The following TRPM3 variants were observed in gnomAD, a reference collection of about 807,000 sequenced individuals.
The protein encoded by TRPM3 is transient receptor potential cation channel subfamily M member 3, also known as long transient receptor potential channel 3.
A neutral mutation model predicts 181.2 loss-of-function variants in TRPM3; 77 were observed. The observed-to-expected ratio is 0.42, with a 90% CI of 0.35 to 0.51. The LOEUF is 0.51. Ranked by LOEUF, TRPM3 falls within the 20% of genes least tolerant of loss-of-function variation. The probability of loss-of-function intolerance (pLI) is 0.01; values close to 1 mark genes in which losing one functional copy is unlikely to be tolerated. For missense variants in TRPM3, 1,759 were observed against 2,196.7 expected, an observed-to-expected ratio of 0.80 and a Z score of 3.98; for synonymous variants, 745 against 796.4, an observed-to-expected ratio of 0.94 and a Z score of 1.09.
chr9:71,034,173 C>T (rs75732296), intron 1 of TRPM3, among the ~76,000 whole-genome samples: 61 of 152,202 alleles, frequency 4.0e-4, no homozygotes, highest in African/African-American at 1.4e-3. Flanking sequence ...ACTTCGAAGC[C>T]GCAATCTCTG....
intron 1 of TRPM3, among the ~76,000 whole-genome samples, chr9:71,221,770 A>G (rs1173294307): frequency 6.6e-6 from 1 of 152,216 alleles, no homozygotes; most frequent in East Asian, 1.9e-4. Context: ...GGCAATGGCT[A>G]ATTCCAGAGC....
chr9:70,917,386 C>G lies in TRPM3; in HGVS notation c.178-52875G>C. On this transcript the variant is annotated intron_variant, in intron 1 of 25. Coordinates refer to ENST00000677713, the MANE Select transcript of TRPM3 (RefSeq NM_001366145.2). ...GTGAAAGGCCTTCAACCACTCTCTTCCAAGAGCTCAGTGGGGACACCACCT... is the reference window on the plus strand; with the variant it reads ...GTGAAAGGCCTTCAACCACTCTCTTGCAAGAGCTCAGTGGGGACACCACCT... The G allele has an allele frequency of 4.3e-6, 4 of 921,874 alleles. No homozygotes were observed. The South Asian group carries it at 5.2e-5, about 12-fold the overall frequency. 57.1% of individuals were successfully genotyped at this position (921,874 alleles called of 1,614,324 possible).
At chr9:71,296,798 G>A (rs2086300592) in intron 1 of TRPM3, among the ~76,000 whole-genome samples, 1 of 152,054 alleles carries the variant, frequency 6.6e-6, no homozygotes, top group Non-Finnish European at 1.5e-5. Flanking sequence ...GCAATAAAAA[G>A]AAAGAGCTGG....
Position 71,367,384 on chromosome 9 carries a change from G to A in TRPM3, c.183+79269C>T, listed in dbSNP as rs532634106. Among the ~76,000 whole-genome samples the A allele has an allele frequency of 4.6e-5, 7 of 152,268 alleles. No individual in the cohort carries two copies. The South Asian group carries it at 1.2e-3, about 27-fold the overall frequency. ...CTATTAATCTTCAGGAGAGCTCAAT[G>A]AGTTCTCCATTTTGTAGTTAAGGAA... is the stretch of plus-strand genomic sequence containing the variant. On this transcript the variant is annotated intron_variant, in intron 1 of 24. Transcript: ENST00000357533.
At chr9:70,937,821 T>G (rs1227889849) in intron 1 of TRPM3, among the ~76,000 whole-genome samples, 1 of 140,056 alleles carries the variant, frequency 7.1e-6, no homozygotes, top group African/African-American at 2.7e-5. Flanking sequence ...CTGGAGGTGC[T>G]GCAGAAGTCA....
In TRPM3 at chr9:71,162,221, GAAGAAA is replaced by G. The variant is rs1178618918; in HGVS notation, c.183+284426_183+284431del. Among the ~76,000 whole-genome samples, 6 of 109,466 alleles carry G rather than the reference GAAGAAA, an allele frequency of 5.5e-5. No homozygotes were observed. The East Asian group carries it at 1.4e-3, about 26-fold the overall frequency. The allele number at this position is 109,466 out of a possible 152,430, so 71.8% of individuals were successfully genotyped here. A position where few individuals can be genotyped will look rare whatever the true frequency, so the allele number is the denominator to read the frequency against. On this transcript the variant is annotated intron_variant, in intron 1 of 24. Coordinates refer to the TRPM3 transcript ENST00000357533. ...TCTCAAAAAAAAAAAAAAAAAAAAAGAAGAAAAAGAAAAAGAAAAAAGGAAATAGCT... is the reference window on the plus strand; with the variant it reads ...TCTCAAAAAAAAAAAAAAAAAAAAAGAAGAAAAAGAAAAAAGGAAATAGCT...
At chr9:70,664,139 C>T (rs759088574) in intron 9 of TRPM3, among the ~76,000 whole-genome samples, 65 of 152,182 alleles carry the variant, frequency 4.3e-4, no homozygotes, top group South Asian at 4.1e-4. Flanking sequence ...CACTGCCATG[C>T]AGACACTCCT....
chr9:70,744,069 C>T (rs1198833679), intron 8 of TRPM3, among the ~76,000 whole-genome samples: 1 of 151,838 alleles, frequency 6.6e-6, no homozygotes, highest in Non-Finnish European at 1.5e-5. Flanking sequence ...CAGTGGCTCA[C>T]GTAATCCCAG....
intron 1 of TRPM3, among the ~76,000 whole-genome samples, chr9:71,387,274 A>T (rs1442359603): frequency 6.6e-6 from 1 of 152,238 alleles, no homozygotes; most frequent in African/African-American, 2.4e-5. Context: ...CAAAGAATTC[A>T]TCAAACCTAG....
chr9:70,832,951 G>A (rs1467249582), intron 5 of TRPM3, among the ~76,000 whole-genome samples: 1 of 152,150 alleles, frequency 6.6e-6, no homozygotes, highest in Non-Finnish European at 1.5e-5. Context: ...CTGGCTTGAA[G>A]AGACATACAA....
intron 6 of TRPM3, among the ~76,000 whole-genome samples, chr9:70,812,365 T>C (rs926428758): frequency 6.6e-6 from 1 of 152,152 alleles, no homozygotes; most frequent in Admixed American, 6.6e-5. Context: ...TCAGCACCCA[T>C]ACCCTGGCAA....
rs547059610 is a variant in TRPM3 at position 71,062,686 on chromosome 9, G to A, written c.177+58492C>T. Among the ~76,000 whole-genome samples the A allele has an allele frequency of 3.3e-5, 5 of 152,080 alleles. No homozygotes were observed. The South Asian group carries it at 8.3e-4, about 25-fold the overall frequency. The stretch of plus-strand genomic sequence containing the variant: ...GTGTTGAGAAGAGGGACCTTTAAGA[G>A]GTTATTAGGTCATAAGGGCTCTACT... On this transcript the variant is annotated intron_variant, in intron 1 of 25. Coordinates refer to ENST00000677713, the MANE Select transcript of TRPM3 (RefSeq NM_001366145.2).
intron 1 of TRPM3, among the ~76,000 whole-genome samples, chr9:71,117,531 C>T (rs2072681758): frequency 6.6e-6 from 1 of 152,038 alleles, no homozygotes; most frequent in African/African-American, 2.4e-5. Flanking sequence ...AGGCTTCGGA[C>T]ACTAGATCTA....
chr9:71,384,567 G>A (rs1393586290), intron 1 of TRPM3, among the ~76,000 whole-genome samples: 2 of 152,106 alleles, frequency 1.3e-5, no homozygotes, highest in Admixed American at 6.5e-5. Context: ...CGAAAATTCC[G>A]TTGTTGCCAT....
intron 7 of TRPM3, among the ~76,000 whole-genome samples, 164 bp from the exon 8 acceptor site, chr9:70,761,888 C>G (rs1008936826): frequency 1.3e-5 from 2 of 152,106 alleles, no homozygotes; most frequent in African/African-American, 4.8e-5. Context: ...ATTTAAAAAG[C>G]AAGGCATTTA....
chr9:71,088,070 G>C (rs1221920133), intron 1 of TRPM3, among the ~76,000 whole-genome samples: 2 of 152,056 alleles, frequency 1.3e-5, no homozygotes, highest in Non-Finnish European at 2.9e-5. Flanking sequence ...GAAATACAAA[G>C]AGGATGAAAA....
chr9:71,307,887 T>C (rs1452661297), intron 1 of TRPM3, among the ~76,000 whole-genome samples: 2 of 152,156 alleles, frequency 1.3e-5, no homozygotes, highest in Non-Finnish European at 2.9e-5. Flanking sequence ...TAGTAAGGCA[T>C]TTATTTTGTT....
chr9:70,817,947 T>G (rs771451710), intron 6 of TRPM3, among the ~76,000 whole-genome samples: 72 of 152,190 alleles, frequency 4.7e-4, no homozygotes, highest in Non-Finnish European at 2.1e-4. Context: ...AAAATATTTT[T>G]GGTTTTTTTT....
At chr9:71,360,480 C>T (rs2092096961) in intron 1 of TRPM3, among the ~76,000 whole-genome samples, 1 of 152,130 alleles carries the variant, frequency 6.6e-6, no homozygotes, top group Non-Finnish European at 1.5e-5. Context: ...CATCACAAGG[C>T]ACTAGATTAG....
Sources: allele counts gnomAD v4.1 joint callset (sites outside exome capture counted in the v4.1 genomes callset), GRCh38; gene constraint gnomAD v4.1.1; transcripts MANE v1.5; gene names NCBI Gene and HGNC (gene_info 2026-07-23, HGNC 2026-07-21).